GALNT13: variants seen among roughly 807,000 people sequenced by gnomAD.
GALNT13 encodes UDP-GalNAc:polypeptide N-acetylgalactosaminyltransferase 13.
Under a neutral mutation model 64.2 loss-of-function variants are expected in GALNT13, and 28 were observed. The observed-to-expected ratio is 0.44, with a 90% CI of 0.32 to 0.60. The LOEUF (loss-of-function observed/expected upper bound fraction) is 0.60. Ranked by LOEUF, GALNT13 falls within the 20% of genes least tolerant of loss-of-function variation. GALNT13 has a pLI of 0.05. For synonymous variants in GALNT13, 214 were observed against 224.6 expected, an observed-to-expected ratio of 0.95 and a Z score of 0.42; for missense variants, 577 against 669.8, an observed-to-expected ratio of 0.86 and a Z score of 1.53.
intron 3 of GALNT13, among the ~76,000 whole-genome samples, chr2:154,115,965 G>C (rs1703274226): frequency 6.6e-6 from 1 of 152,066 alleles, no homozygotes; most frequent in Non-Finnish European, 1.5e-5. Flanking sequence ...TTACCTCTAG[G>C]AGCCCGCTGG....
intron 3 of GALNT13, among the ~76,000 whole-genome samples, chr2:154,082,866 G>C (rs1701341861): frequency 6.6e-6 from 1 of 152,012 alleles, no homozygotes; most frequent in Admixed American, 6.6e-5. Flanking sequence ...TAGGTTGCCT[G>C]TTCACTCTGG....
intron 1 of GALNT13, among the ~76,000 whole-genome samples, chr2:153,882,447 T>C (rs1686848931): frequency 6.6e-6 from 1 of 152,076 alleles, no homozygotes; most frequent in Non-Finnish European, 1.5e-5. Context: ...ATGTACTAAC[T>C]AGCAAGGGAC....
intron 9 of GALNT13, among the ~76,000 whole-genome samples, chr2:154,350,278 A>G (rs1306364448): frequency 1.3e-5 from 2 of 152,226 alleles, no homozygotes; most frequent in Admixed American, 6.5e-5. Flanking sequence ...CCCATCCTCA[A>G]TATGAGTGAG....
chr2:154,179,472 C>G (rs72869224), intron 4 of GALNT13, among the ~76,000 whole-genome samples: 2 of 152,042 alleles, frequency 1.3e-5, no homozygotes, highest in African/African-American at 4.8e-5. Flanking sequence ...TTCTCTCATA[C>G]TCATTTTAAA....
chr2:153,497,010 A>AG, the GALNT13 span, among the ~76,000 whole-genome samples: 1 of 151,380 alleles, frequency 6.6e-6, no homozygotes, highest in East Asian at 1.9e-4. Flanking sequence ...AAAAAAAAAA[A>AG]AAAGAAAAAA....
the GALNT13 span, among the ~76,000 whole-genome samples, chr2:153,862,221 G>A: frequency 6.6e-6 from 1 of 152,038 alleles, no homozygotes. Context: ...GTACACACAT[G>A]CTTATATAAT....
At chr2:153,866,841 G>C in the GALNT13 span, among the ~76,000 whole-genome samples, 124,981 of 152,126 alleles carry the variant, frequency 0.82, 52,586 homozygotes, top group Non-Finnish European at 0.9. Context: ...TAAATGATGA[G>C]AAAATTTGTC....
chr2:153,274,099 A>T, the GALNT13 span, among the ~76,000 whole-genome samples: 1 of 152,152 alleles, frequency 6.6e-6, no homozygotes, highest in African/African-American at 2.4e-5. Context: ...GCTACTCAGG[A>T]GGCTGAGGCA....
chr2:153,623,552 C>T, the GALNT13 span, among the ~76,000 whole-genome samples: 1 of 151,876 alleles, frequency 6.6e-6, no homozygotes, highest in Admixed American at 6.6e-5. Context: ...AAGCAAGTTC[C>T]CTCCAAATGA....
intron 4 of GALNT13, among the ~76,000 whole-genome samples, chr2:154,238,668 CAGA>C (rs1391964817): frequency 5.9e-5 from 9 of 151,890 alleles, no homozygotes; most frequent in Admixed American, 5.9e-4. Context: ...TTTAATAGTA[CAGA>C]AGGAGTCTTC....
the GALNT13 span, among the ~76,000 whole-genome samples, chr2:153,749,290 T>A: frequency 6.6e-6 from 1 of 152,088 alleles, no homozygotes; most frequent in East Asian, 1.9e-4. Flanking sequence ...TTCTTTTTGC[T>A]CAGCATTGAT....
At chr2:153,554,227 TGAGGCAG>T in the GALNT13 span, among the ~76,000 whole-genome samples, 1 of 150,608 alleles carries the variant, frequency 6.6e-6, no homozygotes, top group African/African-American at 2.4e-5. Context: ...CTGGGGAGGC[TGAGGCAG>T]GAGGCAGGAG....
Position 154,152,175 on chromosome 2 carries a change from G to C in GALNT13, c.311+11670G>C, listed in dbSNP as rs191494127. Among the ~76,000 whole-genome samples the C allele has an allele frequency of 4.7e-3, 719 of 152,078 alleles. 8 individuals are homozygous for C. The highest frequency in any genetic ancestry group is 6.2e-3 in the Non-Finnish European group (420 of 67,992). On this transcript the variant is annotated intron_variant, in intron 4 of 12. Coordinates refer to ENST00000392825, the MANE Select transcript of GALNT13 (RefSeq NM_052917.4). ...TGCTTGTCTGTAAAGTATTTTATTT[G>C]TCCTTCACTTCTGAAGCTTAGTTTG...
the GALNT13 span, among the ~76,000 whole-genome samples, chr2:153,792,271 G>A: frequency 6.6e-6 from 1 of 150,994 alleles, no homozygotes; most frequent in Non-Finnish European, 1.5e-5. Flanking sequence ...TTCCATGGTT[G>A]CATTTATACT....
At chr2:153,499,130 C>T in the GALNT13 span, among the ~76,000 whole-genome samples, 1 of 152,144 alleles carries the variant, frequency 6.6e-6, no homozygotes, top group African/African-American at 2.4e-5. Context: ...AGAATACAGG[C>T]GTGAGCCATT....
the GALNT13 span, among the ~76,000 whole-genome samples, chr2:153,614,983 ATT>A: frequency 2.0e-5 from 3 of 152,000 alleles, no homozygotes; most frequent in African/African-American, 7.2e-5. Flanking sequence ...CCTTCCAACT[ATT>A]TATTGTTGCC....
the GALNT13 span, among the ~76,000 whole-genome samples, chr2:153,771,731 A>G: frequency 2.0e-5 from 3 of 152,188 alleles, no homozygotes; most frequent in South Asian, 6.2e-4. Context: ...CTAGTCATAA[A>G]GCGGAGAGGA....
At chr2:153,757,301 A>G in the GALNT13 span, among the ~76,000 whole-genome samples, 39 of 152,252 alleles carry the variant, frequency 2.6e-4, no homozygotes, top group Middle Eastern at 3.4e-3. Context: ...TATTTTACTT[A>G]GCATAATGTC....
chr2:153,626,442 A>G, the GALNT13 span, among the ~76,000 whole-genome samples: 4 of 152,088 alleles, frequency 2.6e-5, no homozygotes, highest in African/African-American at 9.6e-5. Context: ...TTATAATGAA[A>G]TTTTCTGTAA....
Sources: allele counts gnomAD v4.1 joint callset (sites outside exome capture counted in the v4.1 genomes callset), GRCh38; gene constraint gnomAD v4.1.1; transcripts MANE v1.5; gene names NCBI Gene and HGNC (gene_info 2026-07-23, HGNC 2026-07-21).